Variants in ESRRB observed in about 807,000 individuals in gnomAD.
The protein encoded by ESRRB is estrogen related receptor beta.
In ESRRB, 16 loss-of-function variants were observed where a neutral mutation model predicts 46.0. The observed-to-expected ratio is 0.35, with a 90% CI of 0.24 to 0.53. The LOEUF (loss-of-function observed/expected upper bound fraction) is 0.53, where lower values mean the gene tolerates loss of function less well. Ranked by LOEUF, ESRRB falls within the 20% of genes least tolerant of loss-of-function variation. The probability of loss-of-function intolerance (pLI) is 0.93; values close to 1 mark genes in which losing one functional copy is unlikely to be tolerated. For synonymous variants in ESRRB, 246 were observed against 259.6 expected (o/e 0.95, Z 0.50); for missense variants, 488 against 607.4 (o/e 0.80, Z 2.07).
At chr14:76,353,429 C>T (rs1337878471) in intron 1 of ESRRB, among the ~76,000 whole-genome samples, 4 of 152,178 alleles carry the variant, frequency 2.6e-5, no homozygotes, top group African/African-American at 7.2e-5. Context: ...CCCTAAGACT[C>T]GGGGATTACA....
intron 1 of ESRRB, chr14:76,404,283 G>C (rs1886074965): frequency 6.6e-6 from 1 of 151,596 alleles, no homozygotes; most frequent in Non-Finnish European, 1.5e-5. Flanking sequence ...TGTGTGTGTA[G>C]ATACATACCA....
At chr14:76,386,312 C>T (rs1885225420) in intron 1 of ESRRB, among the ~76,000 whole-genome samples, 1 of 152,036 alleles carries the variant, frequency 6.6e-6, no homozygotes, top group Admixed American at 6.6e-5. Flanking sequence ...ATAAGTAAAT[C>T]CTATGCAATG....
At chr14:76,378,734 G>A (rs1331230227) in intron 1 of ESRRB, among the ~76,000 whole-genome samples, 1 of 152,158 alleles carries the variant, frequency 6.6e-6, no homozygotes, top group African/African-American at 2.4e-5. Flanking sequence ...ACGAGCTTGT[G>A]GAGGTCTGGG....
At chr14:76,368,451 G>A (rs1884552980), upstream of ESRRB, among the ~76,000 whole-genome samples, 1 of 152,148 alleles carries the variant, frequency 6.6e-6, no homozygotes, top group Admixed American at 6.5e-5. Flanking sequence ...TGTGCTATCG[G>A]TTCTGACCCC....
intron 1 of ESRRB, among the ~76,000 whole-genome samples, chr14:76,390,460 G>A (rs1426099008): frequency 2.0e-5 from 3 of 152,112 alleles, no homozygotes; most frequent in Admixed American, 2.0e-4. Flanking sequence ...CTGCACTCCA[G>A]CCTGGAAAAT....
intron 1 of ESRRB, among the ~76,000 whole-genome samples, chr14:76,419,004 T>C (rs1218139019): frequency 6.6e-6 from 1 of 151,916 alleles, no homozygotes; most frequent in African/African-American, 2.4e-5. Flanking sequence ...ATCATGATGT[T>C]GAGAGCCTGT....
At position 76,408,795 on chromosome 14, in the gene ESRRB, A is replaced by T. The variant is rs1451838417; in HGVS notation, c.51-30546A>T. Among the ~76,000 whole-genome samples the T allele has an allele frequency of 2.0e-5, 3 of 152,120 alleles. No homozygotes were observed. In the South Asian group the frequency reaches 6.2e-4, roughly 32 times the overall value. On this transcript the variant is annotated intron_variant, in intron 1 of 6. Coordinates refer to ENST00000644823, the MANE Select transcript of ESRRB (RefSeq NM_001379180.1). The stretch of plus-strand genomic sequence containing the variant: ...AAAAGGAAAAGGCATTCTACATGAA[A>T]GGTGTGAATGTTACAAAATATATGA...
intron 2 of ESRRB, among the ~76,000 whole-genome samples, chr14:76,458,188 C>T (rs1210371331): frequency 1.3e-5 from 2 of 152,162 alleles, no homozygotes; most frequent in East Asian, 1.9e-4. Flanking sequence ...AAAACTGCCA[C>T]ACCTCAGCTG....
chr14:76,482,214 A>C lies in ESRRB; in HGVS notation c.688+88A>C. 1 of 981,168 alleles carries C rather than the reference A, an allele frequency of 1.0e-6. No homozygotes were observed. The highest frequency in any genetic ancestry group is 1.6e-6 in the Non-Finnish European group (1 of 620,732). The allele number at this position is 981,168 out of a possible 1,614,324, so 60.8% of individuals were successfully genotyped here. A position where few individuals can be genotyped will look rare whatever the true frequency, so the allele number is the denominator to read the frequency against. ...CTTAGGGAAACATCATCTTCCCACC[A>C]CTGGGTCATGAGACAATGTGGATCT... On this transcript the variant is annotated intron_variant, in intron 4 of 6. Coordinates refer to ENST00000644823, the MANE Select transcript of ESRRB (RefSeq NM_001379180.1). This position sits in a 1 kb window ranked among gnomAD's most constrained non-coding sequence, Gnocchi z 4.3.
chr14:76,396,015 A>G (rs905879000), intron 1 of ESRRB, among the ~76,000 whole-genome samples: 1 of 152,112 alleles, frequency 6.6e-6, no homozygotes, highest in African/African-American at 2.4e-5. Flanking sequence ...TTTACTAAAA[A>G]TACAAAAACT....
intron 1 of ESRRB, among the ~76,000 whole-genome samples, chr14:76,336,669 G>A (rs1595048510): frequency 6.6e-6 from 1 of 152,172 alleles, no homozygotes; most frequent in African/African-American, 2.4e-5. Flanking sequence ...GGAGTGAGAG[G>A]AAGCCACTGA....
chr14:76,457,416 C>T (rs1302843748), intron 2 of ESRRB, among the ~76,000 whole-genome samples: 2 of 152,046 alleles, frequency 1.3e-5, no homozygotes, highest in Non-Finnish European at 2.9e-5. Flanking sequence ...TGAATGCGGC[C>T]CAACACAAAT....
At chr14:76,425,714 T>C (rs949169292) in intron 1 of ESRRB, among the ~76,000 whole-genome samples, 20 of 152,050 alleles carry the variant, frequency 1.3e-4, no homozygotes, top group African/African-American at 4.6e-4. Flanking sequence ...TGCTGGTTTT[T>C]TGTTTGTTTT....
chr14:76,405,340 G>A (rs553726853), intron 1 of ESRRB, among the ~76,000 whole-genome samples: 7 of 152,088 alleles, frequency 4.6e-5, no homozygotes, highest in Admixed American at 1.3e-4. Flanking sequence ...TCAAACTCCT[G>A]CCCTCTAGCA....
At chr14:76,329,415 T>C (rs1042111125) in intron 1 of ESRRB, among the ~76,000 whole-genome samples, 2 of 152,130 alleles carry the variant, frequency 1.3e-5, no homozygotes, top group African/African-American at 4.8e-5. Context: ...CAATGCCGGC[T>C]GGCCCAGCTG....
intron 6 of ESRRB, among the ~76,000 whole-genome samples, chr14:76,496,610 G>A (rs983706740): frequency 1.3e-5 from 2 of 152,188 alleles, no homozygotes; most frequent in African/African-American, 4.8e-5. Context: ...CCTTGAGGGA[G>A]AAAGATCACC....
intron 1 of ESRRB, among the ~76,000 whole-genome samples, chr14:76,429,398 C>G (rs1887337061): frequency 6.6e-6 from 1 of 152,148 alleles, no homozygotes; most frequent in African/African-American, 2.4e-5. Flanking sequence ...CTGAAAGATA[C>G]ACATACCCAA....
intron 5 of ESRRB, 45 bp from the exon 6 acceptor site, chr14:76,491,402 G>A (rs2361292): frequency 3.7e-4 from 597 of 1,596,938 alleles, no homozygotes; most frequent in Admixed American, 6.9e-4. Context: ...CCCCTGGTCC[G>A]CCCTCCTGAC....
intron 1 of ESRRB, chr14:76,310,976 CTT>C (rs1482400464): frequency 5.6e-5 from 22 of 395,530 alleles, no homozygotes; most frequent in African/African-American, 9.3e-5. Context: ...TTTCTGTCCC[CTT>C]TCTCTCTCTC....
Sources: allele counts gnomAD v4.1 joint callset (sites outside exome capture counted in the v4.1 genomes callset), GRCh38; gene constraint gnomAD v4.1.1; non-coding constraint Gnocchi (gnomAD v3.1); transcripts MANE v1.5; gene names NCBI Gene and HGNC (gene_info 2026-07-23, HGNC 2026-07-21).